Variants in DTNBP1 observed in about 807,000 individuals in gnomAD.
The protein encoded by DTNBP1 is dysbindin.
Under a neutral mutation model 42.8 loss-of-function variants are expected in DTNBP1, and 35 were observed. The observed-to-expected ratio is 0.82, with a 90% CI of 0.63 to 1.09. The LOEUF (loss-of-function observed/expected upper bound fraction) is 1.09. Among genes scored for constraint, DTNBP1 ranks in the 50% least tolerant of loss-of-function variants. DTNBP1 has a pLI of 0.00. For synonymous variants in DTNBP1, 171 were observed against 162.2 expected (o/e 1.05, Z -0.41); for missense variants, 457 against 424.2 (o/e 1.08, Z -0.68).
chr6:15,604,215 T>C (rs1160166758), intron 6 of DTNBP1, among the ~76,000 whole-genome samples: 1 of 152,214 alleles, frequency 6.6e-6, no homozygotes, highest in Non-Finnish European at 1.5e-5. Context: ...TTTTTCATTG[T>C]TTCGGGGGAG....
At chr6:15,545,953 C>T (rs1264033188) in intron 7 of DTNBP1, 7 of 384,746 alleles carry the variant, frequency 1.8e-5, no homozygotes, top group Admixed American at 6.9e-5. Context: ...CTCAGGCAGG[C>T]GGGTCTCAGC....
At chr6:15,592,755 C>T (rs983670260) in intron 7 of DTNBP1, among the ~76,000 whole-genome samples, 3 of 152,070 alleles carry the variant, frequency 2.0e-5, no homozygotes, top group Non-Finnish European at 4.4e-5. Flanking sequence ...TCCACATGGC[C>T]CAGACTGTAC....
At chr6:15,637,845 A>T in intron 3 of DTNBP1, 41 bp from the exon 4 acceptor site, 1 of 1,574,148 alleles carries the variant, frequency 6.4e-7, no homozygotes, top group South Asian at 1.1e-5. Context: ...CAAACCACAC[A>T]TTAAAAGGAA....
intron 9 of DTNBP1, chr6:15,524,152 A>G: frequency 7.1e-7 from 1 of 1,413,784 alleles, no homozygotes; most frequent in East Asian, 3.4e-5. Flanking sequence ...TGTCGCACGA[A>G]GAGGGAAGAG....
intron 7 of DTNBP1, among the ~76,000 whole-genome samples, chr6:15,554,089 T>C (rs933170345): frequency 6.6e-6 from 1 of 152,182 alleles, no homozygotes; most frequent in Admixed American, 6.5e-5. Context: ...TGCTATTACA[T>C]CATACTCTTT....
At chr6:15,612,438 T>G (rs1490607031) in intron 6 of DTNBP1, among the ~76,000 whole-genome samples, 1 of 152,244 alleles carries the variant, frequency 6.6e-6, no homozygotes, top group Non-Finnish European at 1.5e-5. Context: ...GGTATTGCTA[T>G]CATATGTTTC....
intron 6 of DTNBP1, among the ~76,000 whole-genome samples, chr6:15,593,777 A>AT (rs962661777): frequency 3.5e-4 from 53 of 152,122 alleles, no homozygotes; most frequent in African/African-American, 1.2e-3. Context: ...GCAGTTACGT[A>AT]TTTTTTTTCC....
chr6:15,620,603 A>G (rs1466808363), intron 5 of DTNBP1, among the ~76,000 whole-genome samples: 1 of 152,250 alleles, frequency 6.6e-6, no homozygotes, highest in Non-Finnish European at 1.5e-5. Flanking sequence ...CTAGTCTGAC[A>G]TGGTCTTAAA....
intron 6 of DTNBP1, among the ~76,000 whole-genome samples, chr6:15,605,600 C>A (rs1432375035): frequency 6.6e-6 from 1 of 152,174 alleles, no homozygotes; most frequent in Non-Finnish European, 1.5e-5. Flanking sequence ...TTCCTCCACA[C>A]CCCTAAGAAT....
At chr6:15,595,250 CTTTTTTTTTTT>C (rs561001975) in intron 6 of DTNBP1, 32 of 310,480 alleles carry the variant, frequency 1.0e-4, no homozygotes, top group African/African-American at 3.9e-4. Context: ...TATTATGCAA[CTTTTTTTTTTT>C]TTTTTTTTTT....
chr6:15,613,453 G>A (rs1206448826), intron 6 of DTNBP1, among the ~76,000 whole-genome samples: 52 of 138,418 alleles, frequency 3.8e-4, no homozygotes, highest in Non-Finnish European at 5.5e-4. Flanking sequence ...TGCAAGCTGC[G>A]CCTCCCGGGT....
intron 7 of DTNBP1, among the ~76,000 whole-genome samples, chr6:15,578,202 C>A (rs529670386): frequency 6.6e-6 from 1 of 152,272 alleles, no homozygotes; most frequent in Non-Finnish European, 1.5e-5. Context: ...AGTAAGCCGA[C>A]GCTGGGAGGA....
At chr6:15,568,640 C>G (rs879222249) in intron 7 of DTNBP1, among the ~76,000 whole-genome samples, 6 of 152,126 alleles carry the variant, frequency 3.9e-5, no homozygotes, top group Admixed American at 3.9e-4. Flanking sequence ...GTCAGCAAGA[C>G]CAACTCCTCC....
At chr6:15,607,099 G>A (rs1252260789) in intron 6 of DTNBP1, among the ~76,000 whole-genome samples, 2 of 149,080 alleles carry the variant, frequency 1.3e-5, no homozygotes, top group African/African-American at 5.0e-5. Flanking sequence ...CAACCTCCCG[G>A]TCCTGGGTTC....
At chr6:15,549,546 AG>A (rs1438598154) in intron 7 of DTNBP1, among the ~76,000 whole-genome samples, 2 of 150,200 alleles carry the variant, frequency 1.3e-5, no homozygotes, top group East Asian at 3.9e-4. Flanking sequence ...ATCCAGAAAC[AG>A]GCTGGATGTG....
intron 3 of DTNBP1, among the ~76,000 whole-genome samples, chr6:15,638,903 G>A (rs1446858775): frequency 2.0e-5 from 3 of 149,696 alleles, no homozygotes; most frequent in Admixed American, 6.7e-5. Context: ...TGTGATCACA[G>A]CTCACTGCAG....
At chr6:15,634,087 T>C (rs1291942315) in intron 4 of DTNBP1, among the ~76,000 whole-genome samples, 2 of 152,232 alleles carry the variant, frequency 1.3e-5, no homozygotes, top group Non-Finnish European at 2.9e-5. Flanking sequence ...TTCTGTGTCC[T>C]ATGTTCTAGG....
rs188724724 is a variant in DTNBP1 at position 15,610,332 on chromosome 6, T to C, written c.488+4935A>G. 5.8e-4 allele frequency among the ~76,000 whole-genome samples: 89 copies of C among 152,338 alleles called. 1 individual carries two copies. The highest frequency in any genetic ancestry group is 4.4e-3 in the Admixed American group (68 of 15,308). On this transcript the variant is annotated intron_variant, in intron 6 of 9. Coordinates refer to ENST00000344537, the MANE Select transcript of DTNBP1 (RefSeq NM_032122.5). ...TGCCACAAGCCCCATAAATGTTGTA[T>C]GTGTTCTGACTGCTCCACTGACCAG...
chr6:15,575,792 G>A (rs1273264962), intron 7 of DTNBP1, among the ~76,000 whole-genome samples: 2 of 152,190 alleles, frequency 1.3e-5, no homozygotes, highest in Non-Finnish European at 2.9e-5. Flanking sequence ...GCTTTTGAGG[G>A]GGACCTCCCA....
Sources: gnomAD v4.1 joint callset for allele counts (sites outside exome capture counted in the v4.1 genomes callset) on GRCh38, gnomAD v4.1.1 for gene constraint, MANE v1.5 for transcripts, NCBI Gene and HGNC (gene_info 2026-07-23, HGNC 2026-07-21) for gene names.